Variants in GRHL1 observed in about 807,000 individuals in gnomAD.
The protein encoded by GRHL1 is grainyhead-like protein 1 homolog.
Under a neutral mutation model 75.7 loss-of-function variants are expected in GRHL1, and 38 were observed. The observed-to-expected ratio is 0.50, with a 90% CI of 0.39 to 0.66. The LOEUF (loss-of-function observed/expected upper bound fraction) is 0.66, where lower values mean the gene tolerates loss of function less well. Among genes scored for constraint, GRHL1 ranks in the 30% least tolerant of loss-of-function variants. The pLI is 0.00. For synonymous variants in GRHL1, 266 were observed against 279.4 expected (o/e 0.95, Z 0.48); for missense variants, 589 against 767.5 (o/e 0.77, Z 2.75).
chr2:9,993,233 G>A lies in GRHL1; in HGVS notation c.1488G>A (p.Leu496=). Reference sequence around the variant, plus strand: ...TCCTTCCCATTGCCTCTGAAGAATTGGAGGGTGAAGGGTAAGATTTATGTT... The same window carrying A: ...TCCTTCCCATTGCCTCTGAAGAATTAGAGGGTGAAGGGTAAGATTTATGTT... ...THVLPIASEE[L]EGEGSVLKRG... The change falls in exon 12 of 16, where the codon TTG becomes TTA. Residue 496 remains leucine (L), a synonymous_variant. Transcript: ENST00000324907. The A allele has an allele frequency of 4.3e-6, 7 of 1,609,988 alleles. No individual in the cohort carries two copies. Among genetic ancestry groups the A allele is most frequent in the South Asian group, 1.1e-5 (1 of 91,006 alleles).
Position 9,990,304 on chromosome 2 carries a change from C to A in GRHL1, c.1270-392C>A, listed in dbSNP as rs764694187. On this transcript the variant is annotated intron_variant, in intron 9 of 15. Coordinates refer to ENST00000324907, the MANE Select transcript of GRHL1 (RefSeq NM_198182.3). The surrounding 1 kb of genome is among the most constrained non-coding windows in gnomAD (Gnocchi z 4.2). ...TAGCTGGGACTACAGGTGCCCGCTA[C>A]CACGCCTGGCTAATTTTTGTATTTT... Among the ~76,000 whole-genome samples the A allele has an allele frequency of 2.0e-5, 3 of 152,044 alleles. No individual in the cohort carries two copies. The highest frequency in any genetic ancestry group is 4.4e-5 in the Non-Finnish European group (3 of 68,002).
intron 5 of GRHL1, 88 bp downstream of exon 5, chr2:9,962,619 T>C (rs1329232059): frequency 1.0e-5 from 8 of 777,850 alleles, no homozygotes; most frequent in South Asian, 2.9e-5. Context: ...AAGGTGGCTT[T>C]AGCAGGCTTT....
At position 10,000,911 on chromosome 2, in the gene GRHL1, A is replaced by T. The variant is rs1161019015; in HGVS notation, c.*204A>T. ...TGCATTGGTGTTTTTCAGATGAAAG[A>T]GAAATCCATATACCATTATGTTTGA... On this transcript the variant is annotated 3_prime_UTR_variant, in exon 16 of 16. Coordinates refer to ENST00000324907, the MANE Select transcript of GRHL1 (RefSeq NM_198182.3). The T allele has an allele frequency of 2.3e-6, 1 of 439,412 alleles. No individual in the cohort carries two copies. Among genetic ancestry groups the T allele is most frequent in the Non-Finnish European group, 4.0e-6 (1 of 248,536 alleles). The allele number at this position is 439,412 out of a possible 1,614,324, so 27.2% of individuals were successfully genotyped here. A position where few individuals can be genotyped will look rare whatever the true frequency, so the allele number is the denominator to read the frequency against.
chr2:9,988,632 G>A (rs1322877985), intron 9 of GRHL1, among the ~76,000 whole-genome samples: 1 of 151,990 alleles, frequency 6.6e-6, no homozygotes, highest in African/African-American at 2.4e-5. Flanking sequence ...CCTCAAACCT[G>A]GGCACCTGGA....
intron 2 of GRHL1, among the ~76,000 whole-genome samples, chr2:9,957,727 A>G (rs959276559): frequency 6.6e-6 from 1 of 152,190 alleles, no homozygotes; most frequent in Admixed American, 6.5e-5. Flanking sequence ...TTTGTCTTTA[A>G]TGGTGAAAAC....
At chr2:9,978,896 C>T (rs1413365457) in intron 8 of GRHL1, among the ~76,000 whole-genome samples, 4 of 152,054 alleles carry the variant, frequency 2.6e-5, no homozygotes, top group Non-Finnish European at 5.9e-5. Flanking sequence ...GAGGCTGAGG[C>T]AGGAGAATCA....
intron 2 of GRHL1, among the ~76,000 whole-genome samples, chr2:9,957,035 C>T (rs1467276252): frequency 6.7e-6 from 1 of 149,524 alleles, no homozygotes; most frequent in Non-Finnish European, 1.5e-5. Flanking sequence ...CAGAGTCTCG[C>T]TCTTGCCCAC....
Position 9,978,897 on chromosome 2 carries a change from A to G in GRHL1, c.1111-7227A>G, listed in dbSNP as rs566068532. On this transcript the variant is annotated intron_variant, in intron 8 of 15. Coordinates refer to ENST00000324907, the MANE Select transcript of GRHL1 (RefSeq NM_198182.3). ...TCCCAGCTACATGGGAGGCTGAGGC[A>G]GGAGAATCACTTCAACCCGGGAGGC... Among the ~76,000 whole-genome samples, 164 of 152,236 alleles carry G rather than the reference A, an allele frequency of 1.1e-3. 2 individuals are homozygous for G. The highest frequency in any genetic ancestry group is 3.8e-3 in the African/African-American group (157 of 41,542).
At chr2:9,959,026 A>T in intron 3 of GRHL1, 170 bp downstream of exon 3, 1 of 1,104,404 alleles carries the variant, frequency 9.1e-7, no homozygotes, top group South Asian at 2.2e-5. Flanking sequence ...TGTTGCTCTG[A>T]AATTTCCTTT....
intron 8 of GRHL1, chr2:9,966,534 T>G (rs1667504541): frequency 6.6e-6 from 1 of 152,262 alleles, no homozygotes; most frequent in Non-Finnish European, 1.5e-5. Flanking sequence ...AAAGAAGTGA[T>G]GTTCATCTTC....
intron 8 of GRHL1, chr2:9,966,374 G>A (rs1463397797): frequency 6.6e-6 from 1 of 151,794 alleles, no homozygotes; most frequent in Admixed American, 6.6e-5. Context: ...CTCCAGCCTA[G>A]GCAACAGAGT....
chr2:9,974,109 T>C (rs1456638959), intron 8 of GRHL1, among the ~76,000 whole-genome samples: 3 of 152,208 alleles, frequency 2.0e-5, no homozygotes, highest in African/African-American at 7.2e-5. Context: ...TGTGGCAGTG[T>C]GGTTTTGAGA....
chr2:9,957,339 G>C (rs997800733), intron 2 of GRHL1, among the ~76,000 whole-genome samples: 13 of 151,328 alleles, frequency 8.6e-5, no homozygotes, highest in Non-Finnish European at 5.9e-5. Flanking sequence ...GTCTTTGGCT[G>C]TATAAGCATC....
At chr2:9,995,731 C>T (rs1179491218) in intron 12 of GRHL1, 148 bp from the exon 13 acceptor site, 1 of 631,944 alleles carries the variant, frequency 1.6e-6, no homozygotes, top group African/African-American at 1.8e-5. Flanking sequence ...TTCCTTTAGC[C>T]TGATTTTTCA....
chr2:9,965,363 C>T lies in GRHL1; in HGVS notation c.1092C>T (p.Asp364=), dbSNP rs151143088. The T allele has an allele frequency of 6.2e-7, 1 of 1,605,206 alleles. No individual in the cohort carries two copies. The highest frequency in any genetic ancestry group is 1.3e-5 in the African/African-American group (1 of 74,742). Residue 364 remains aspartate, a synonymous_variant, in exon 8 of 16, where the codon GAC becomes GAT. Coordinates refer to ENST00000324907, the MANE Select transcript of GRHL1 (RefSeq NM_198182.3). Reference sequence around the variant, plus strand: ...ATAACGCCATTTCCTTCACATGGGACATCAACGATGAAGCAAAGGTGGGTG... The same window carrying T: ...ATAACGCCATTTCCTTCACATGGGATATCAACGATGAAGCAAAGGTGGGTG... ...IAYNAISFTW[D]INDEAKVFIS...
At chr2:9,954,066 G>A (rs1666909913) in intron 1 of GRHL1, among the ~76,000 whole-genome samples, 1 of 152,116 alleles carries the variant, frequency 6.6e-6, no homozygotes, top group Non-Finnish European at 1.5e-5. Context: ...CTTCTGTAAG[G>A]TTTCACTAAG....
At chr2:9,977,108 T>C (rs1281656369) in intron 8 of GRHL1, among the ~76,000 whole-genome samples, 2 of 152,188 alleles carry the variant, frequency 1.3e-5, no homozygotes, top group Non-Finnish European at 2.9e-5. Flanking sequence ...TGGAAGAAAA[T>C]GTTTAATTTC....
intron 7 of GRHL1, 183 bp from the exon 8 acceptor site, chr2:9,965,104 T>G: frequency 1.9e-6 from 1 of 529,138 alleles, no homozygotes; most frequent in Non-Finnish European, 3.4e-6. Context: ...AGCTTGCCTC[T>G]ATTACAAAAA....
At chr2:9,978,947 C>T (rs962244855) in intron 8 of GRHL1, among the ~76,000 whole-genome samples, 22 of 151,776 alleles carry the variant, frequency 1.4e-4, no homozygotes, top group South Asian at 2.1e-4. Context: ...GCTGAGATCG[C>T]GCCATTGCAC....
Sources: gnomAD v4.1 joint callset for allele counts (sites outside exome capture counted in the v4.1 genomes callset) on GRCh38, gnomAD v4.1.1 for gene constraint, Gnocchi (gnomAD v3.1) non-coding constraint, MANE v1.5 for transcripts, NCBI Gene and HGNC (gene_info 2026-07-23, HGNC 2026-07-21) for gene names.